ROCK2: variants seen among roughly 807,000 people sequenced by gnomAD.
The protein encoded by ROCK2 is rho-associated protein kinase 2.
In ROCK2, 61 loss-of-function variants were observed where a neutral mutation model predicts 195.1. That is an observed-to-expected ratio of 0.31 (90% confidence interval 0.25 to 0.39). The LOEUF is 0.39. ROCK2 is among the 10% of genes least tolerant of loss of function. ROCK2 has a pLI of 1.00. For synonymous variants in ROCK2, 504 were observed against 545.5 expected, an observed-to-expected ratio of 0.92 and a Z score of 1.06; for missense variants, 1,109 against 1,637.4, an observed-to-expected ratio of 0.68 and a Z score of 5.57.
chr2:11,231,190 T>C (rs1399290263), intron 5 of ROCK2, among the ~76,000 whole-genome samples: 1 of 151,906 alleles, frequency 6.6e-6, no homozygotes, highest in East Asian at 1.9e-4. Context: ...GGTAATTTTT[T>C]TTTTTCTTCA....
chr2:11,294,070 T>C (rs1270717948), intron 1 of ROCK2, among the ~76,000 whole-genome samples: 1 of 151,814 alleles, frequency 6.6e-6, no homozygotes, highest in Non-Finnish European at 1.5e-5. Flanking sequence ...GGCAGGAGAA[T>C]GGCGTGAACC....
intron 29 of ROCK2, 157 bp downstream of exon 29, chr2:11,194,099 T>C (rs746845961): frequency 4.4e-6 from 2 of 457,920 alleles, no homozygotes; most frequent in Non-Finnish European, 7.8e-6. Context: ...ATGTTTTAAC[T>C]AACCCTGTAT....
chr2:11,224,630 T>A lies in ROCK2; in HGVS notation c.869-170A>T, dbSNP rs2056103. On this transcript the variant is annotated intron_variant, in intron 6 of 32. Coordinates refer to ENST00000315872, the MANE Select transcript of ROCK2 (RefSeq NM_004850.5). ...AACAGACATATTGTTATATTCTAAA[T>A]CAAAGAATATATTTAAAATTTAACA... 0.46 allele frequency among the ~76,000 whole-genome samples: 69,861 copies of A among 151,732 alleles called. 17,474 individuals are homozygous for A. Among genetic ancestry groups the A allele is most frequent in the Admixed American group, 0.55 (8,376 of 15,238 alleles).
intron 4 of ROCK2, among the ~76,000 whole-genome samples, chr2:11,236,334 C>G (rs541062855): frequency 6.6e-6 from 1 of 152,198 alleles, no homozygotes; most frequent in African/African-American, 2.4e-5. Context: ...GAACAAACTA[C>G]TGCACCTAAC....
At chr2:11,213,260 T>C (rs1020269522) in intron 17 of ROCK2, among the ~76,000 whole-genome samples, 1 of 152,178 alleles carries the variant, frequency 6.6e-6, no homozygotes, top group Non-Finnish European at 1.5e-5. Context: ...CAGCGATCTA[T>C]CTTTAATGTA....
intron 3 of ROCK2, 63 bp downstream of exon 3, chr2:11,286,476 A>G (rs961922976): frequency 2.0e-5 from 21 of 1,052,988 alleles, no homozygotes; most frequent in Non-Finnish European, 2.9e-5. Flanking sequence ...CTCAGCTGCT[A>G]TTGATAATGC....
chr2:11,239,912 C>T (rs972610987), intron 4 of ROCK2, among the ~76,000 whole-genome samples: 5 of 152,196 alleles, frequency 3.3e-5, no homozygotes, highest in African/African-American at 9.7e-5. Flanking sequence ...TCACAGAACT[C>T]AGCACAGTGC....
In ROCK2 at chr2:11,201,198, G is replaced by A; in HGVS notation, c.2724-55C>T. 2.6e-6 allele frequency: 4 copies of A among 1,549,164 alleles called. No homozygotes were observed. In the South Asian group the frequency reaches 4.8e-5, roughly 19 times the overall value. On this transcript the variant is annotated intron_variant, in intron 22 of 32. Transcript: ENST00000315872. This position sits in a 1 kb window ranked among gnomAD's most constrained non-coding sequence, Gnocchi z 4.6. The stretch of plus-strand genomic sequence containing the variant: ...GTTCAGTTTTCACTATGAAGTGAAA[G>A]TTTTTGTCTAATTCACTTCATCAAT...
intron 4 of ROCK2, among the ~76,000 whole-genome samples, chr2:11,237,902 AC>A (rs1331943053): frequency 6.6e-6 from 1 of 152,050 alleles, no homozygotes; most frequent in Admixed American, 6.5e-5. Flanking sequence ...ACATGGCAAA[AC>A]CCCCATCTCT....
intron 4 of ROCK2, among the ~76,000 whole-genome samples, chr2:11,243,102 C>CA (rs983384210): frequency 6.6e-6 from 1 of 151,878 alleles, no homozygotes; most frequent in Non-Finnish European, 1.5e-5. Flanking sequence ...ATATAACAGC[C>CA]AAAAAGGTTG....
At chr2:11,322,097 A>C (rs919052353) in intron 1 of ROCK2, among the ~76,000 whole-genome samples, 1 of 152,140 alleles carries the variant, frequency 6.6e-6, no homozygotes, top group African/African-American at 2.4e-5. Context: ...CATGCCAAGG[A>C]GAAAAACCTC....
intron 1 of ROCK2, among the ~76,000 whole-genome samples, chr2:11,326,250 C>T (rs1269192667): frequency 6.6e-6 from 1 of 150,912 alleles, no homozygotes; most frequent in African/African-American, 2.4e-5. Flanking sequence ...AAGTAAGGAA[C>T]ATTTCCATTT....
chr2:11,260,650 G>C (rs1374176764), intron 3 of ROCK2, among the ~76,000 whole-genome samples: 2 of 152,056 alleles, frequency 1.3e-5, no homozygotes. Flanking sequence ...CTCAGAACAT[G>C]ACAAGAACAG....
At chr2:11,270,818 G>A (rs1157267192) in intron 3 of ROCK2, among the ~76,000 whole-genome samples, 2 of 151,406 alleles carry the variant, frequency 1.3e-5, no homozygotes, top group East Asian at 1.9e-4. Context: ...TAATTTTAGT[G>A]TTCCTACCAT....
rs1038998031 is a variant in ROCK2, at chr2:11,235,989, T to A, written c.463-27A>T. 8 of 1,444,098 alleles carry A rather than the reference T, an allele frequency of 5.5e-6. No homozygotes were observed. Among genetic ancestry groups the A allele is most frequent in the Middle Eastern group, 1.9e-4 (1 of 5,358 alleles). 89.5% of individuals were successfully genotyped at this position (1,444,098 alleles called of 1,614,324 possible). A position where few individuals can be genotyped will look rare whatever the true frequency, so the allele number is the denominator to read the frequency against. Reference sequence around the variant, plus strand: ...TGGAAAACAAAAGGAAAAGGAAAAATTTTTAAAAACCCAAACCAAAAATCA... The same window carrying A: ...TGGAAAACAAAAGGAAAAGGAAAAAATTTTAAAAACCCAAACCAAAAATCA... On this transcript the variant is annotated intron_variant, in intron 4 of 32. Coordinates refer to ENST00000315872, the MANE Select transcript of ROCK2 (RefSeq NM_004850.5). The surrounding 1 kb of genome is among the most constrained non-coding windows in gnomAD (Gnocchi z 4.2).
upstream of ROCK2, among the ~76,000 whole-genome samples, chr2:11,344,782 C>A (rs909620970): frequency 1.3e-5 from 2 of 150,476 alleles, no homozygotes; most frequent in African/African-American, 4.9e-5. This position sits in a 1 kb window ranked among gnomAD's most constrained non-coding sequence, Gnocchi z 5.4. Context: ...TGTCCCGCTC[C>A]GCTTTCTCCT....
chr2:11,317,603 TA>T lies in ROCK2; in HGVS notation c.141+26392del, dbSNP rs1378401306. Among the ~76,000 whole-genome samples, 77 of 20,920 alleles carry T rather than the reference TA, an allele frequency of 3.7e-3. 4 individuals are homozygous for T. The highest frequency in any genetic ancestry group is 8.9e-3 in the African/African-American group (57 of 6,398). 13.7% of individuals were successfully genotyped at this position (20,920 alleles called of 152,430 possible). A position where few individuals can be genotyped will look rare whatever the true frequency, so the allele number is the denominator to read the frequency against. On this transcript the variant is annotated intron_variant, in intron 1 of 32. Coordinates refer to ENST00000315872, the MANE Select transcript of ROCK2 (RefSeq NM_004850.5). ...ATATATATATATATATATATATATA[TA>T]TATATATATTTTTTTTTTTTTTTAA... is the stretch of plus-strand genomic sequence containing the variant.
intron 17 of ROCK2, 29 bp from the exon 18 acceptor site, chr2:11,211,869 A>G: frequency 6.6e-7 from 1 of 1,514,728 alleles, no homozygotes; most frequent in Non-Finnish European, 8.9e-7. Flanking sequence ...GCAGCTATCA[A>G]CAAAAAAGAG....
chr2:11,226,937 A>C (rs941422668), intron 6 of ROCK2, among the ~76,000 whole-genome samples: 117 of 149,810 alleles, frequency 7.8e-4, no homozygotes, highest in Non-Finnish European at 1.3e-3. Flanking sequence ...AAAAAAAAGA[A>C]GGAAAATCTT....
Sources: allele counts gnomAD v4.1 joint callset (sites outside exome capture counted in the v4.1 genomes callset), GRCh38; gene constraint gnomAD v4.1.1; non-coding constraint Gnocchi (gnomAD v3.1); transcripts MANE v1.5; gene names NCBI Gene and HGNC (gene_info 2026-07-23, HGNC 2026-07-21).